Variants in WWC1 observed in about 807,000 individuals in gnomAD.
WWC1 encodes the protein WW and C2 domain containing 1, also known as protein KIBRA.
Under a neutral mutation model 138.4 loss-of-function variants are expected in WWC1, and 55 were observed. The observed-to-expected ratio is 0.40, with a 90% CI of 0.32 to 0.50. The LOEUF is 0.50. Among genes scored for constraint, WWC1 ranks in the 20% least tolerant of loss-of-function variants. The pLI is 0.72. For missense variants in WWC1, 1,226 were observed against 1,420.4 expected, an observed-to-expected ratio of 0.86 and a Z score of 2.20; for synonymous variants, 524 against 564.9, an observed-to-expected ratio of 0.93 and a Z score of 1.03.
intron 1 of WWC1, among the ~76,000 whole-genome samples, chr5:168,318,048 G>A (rs1036879165): frequency 1.2e-4 from 18 of 151,898 alleles, no homozygotes; most frequent in African/African-American, 4.4e-4. Flanking sequence ...TGCTCTCTTT[G>A]ATAAAGTATG....
In WWC1 at chr5:168,389,470, G is replaced by GA. The variant is rs796790845; in HGVS notation, c.433+4064dup. 9.2e-3 allele frequency among the ~76,000 whole-genome samples: 1,366 copies of GA among 148,094 alleles called. 23 individuals are homozygous for GA. The highest frequency in any genetic ancestry group is 0.033 in the African/African-American group (1,304 of 40,038). On this transcript the variant is annotated intron_variant, in intron 3 of 22. Transcript: ENST00000265293. ...CATCTCAAAAAAAAAAAAAAAGAAA[G>GA]AAAAAAAAGAAGCACTGTAGTGGGA...
chr5:168,353,079 C>T (rs745509888), intron 1 of WWC1, among the ~76,000 whole-genome samples: 2 of 152,138 alleles, frequency 1.3e-5, no homozygotes, highest in East Asian at 1.9e-4. Flanking sequence ...AATTCGAACC[C>T]GGACCTGCAT....
intron 2 of WWC1, among the ~76,000 whole-genome samples, 184 bp downstream of exon 2, chr5:168,371,717 A>G (rs1274481729): frequency 6.6e-6 from 1 of 152,156 alleles, no homozygotes; most frequent in Non-Finnish European, 1.5e-5. Flanking sequence ...TTGTGTAAAA[A>G]TAACAGTTTA....
intron 1 of WWC1, among the ~76,000 whole-genome samples, chr5:168,345,677 A>G (rs974404131): frequency 1.3e-5 from 2 of 152,218 alleles, no homozygotes; most frequent in Non-Finnish European, 1.5e-5. Flanking sequence ...CATGGACTAG[A>G]CACTAATGTT....
intron 1 of WWC1, among the ~76,000 whole-genome samples, chr5:168,301,925 A>T (rs1180362842): frequency 6.6e-6 from 1 of 152,088 alleles, no homozygotes; most frequent in Non-Finnish European, 1.5e-5. Flanking sequence ...CTGACATTAG[A>T]GCTCGCAAAC....
At chr5:168,442,464 TAAAA>T (rs202033566) in intron 16 of WWC1, among the ~76,000 whole-genome samples, 1 of 143,118 alleles carries the variant, frequency 7.0e-6, no homozygotes, top group Admixed American at 7.1e-5. Flanking sequence ...AAAATTTAAT[TAAAA>T]AAAAAAGTTT....
chr5:168,393,293 A>C (rs1355355085), intron 3 of WWC1, among the ~76,000 whole-genome samples: 1 of 152,196 alleles, frequency 6.6e-6, no homozygotes, highest in Non-Finnish European at 1.5e-5. Flanking sequence ...ACAGTGGATG[A>C]AAGTCAGCTC....
At chr5:168,365,913 C>G (rs574449670) in intron 1 of WWC1, among the ~76,000 whole-genome samples, 1 of 152,168 alleles carries the variant, frequency 6.6e-6, no homozygotes, top group Non-Finnish European at 1.5e-5. Flanking sequence ...TTCGGCAGCC[C>G]GAGTTGTGGA....
chr5:168,455,235 C>A, intron 18 of WWC1, 121 bp from the exon 19 acceptor site: 1 of 1,264,832 alleles, frequency 7.9e-7, no homozygotes, highest in South Asian at 1.6e-5. Flanking sequence ...CAAGGAAACC[C>A]TGGTTGTGTC....
intron 1 of WWC1, among the ~76,000 whole-genome samples, chr5:168,351,183 G>A (rs1197657161): frequency 6.6e-6 from 1 of 151,972 alleles, no homozygotes; most frequent in Non-Finnish European, 1.5e-5. Context: ...TAGCCCATGG[G>A]AAGGCAATGA....
At chr5:168,455,074 A>G (rs1756182824) in intron 18 of WWC1, among the ~76,000 whole-genome samples, 1 of 152,220 alleles carries the variant, frequency 6.6e-6, no homozygotes, top group Non-Finnish European at 1.5e-5. Flanking sequence ...ACTTTGAGAC[A>G]GCTCTACTGC....
intron 20 of WWC1, among the ~76,000 whole-genome samples, chr5:168,462,625 C>T (rs898644982): frequency 6.6e-6 from 1 of 152,202 alleles, no homozygotes; most frequent in Admixed American, 6.5e-5. Flanking sequence ...CTAAGGCAGG[C>T]CCTACAGGAG....
intron 1 of WWC1, among the ~76,000 whole-genome samples, chr5:168,334,213 G>A (rs926361944): frequency 2.6e-5 from 4 of 151,166 alleles, no homozygotes; most frequent in African/African-American, 4.8e-5. Flanking sequence ...GACAGAGCAA[G>A]ATCCTGTCTC....
chr5:168,357,303 TACACACACACAC>T (rs3083619), intron 1 of WWC1, among the ~76,000 whole-genome samples: 2 of 145,126 alleles, frequency 1.4e-5, no homozygotes, highest in Non-Finnish European at 3.1e-5. Flanking sequence ...CTTTCTCTCT[TACACACACACAC>T]ACACACACAC....
Position 168,454,007 on chromosome 5 carries a change from G to A in WWC1, c.2565G>A (p.Glu855=). The A allele has an allele frequency of 6.2e-7, 1 of 1,600,052 alleles. No individual in the cohort carries two copies. Among genetic ancestry groups the A allele is most frequent in the Non-Finnish European group, 8.5e-7 (1 of 1,178,554 alleles). Residue 855 remains glutamate (E), a synonymous_variant, in exon 18 of 23, where the codon GAG becomes GAA. Transcript: ENST00000265293. ...EETSENEAVA[E]EEEEEVEEEE... is the part of the protein sequence containing the mutation. ...CCAGTGAGAATGAGGCAGTAGCCGAGGAAGAGGAGGAGGAGGTGGAGGAGG... is the reference window on the plus strand; with the variant it reads ...CCAGTGAGAATGAGGCAGTAGCCGAAGAAGAGGAGGAGGAGGTGGAGGAGG...
intron 1 of WWC1, among the ~76,000 whole-genome samples, chr5:168,301,827 A>C (rs892452000): frequency 6.6e-6 from 1 of 152,086 alleles, no homozygotes; most frequent in South Asian, 2.1e-4. Context: ...CCTCCTGTGC[A>C]TTGGTAACGG....
At chr5:168,428,287 T>C in intron 12 of WWC1, 146 bp downstream of exon 12, 2 of 749,400 alleles carry the variant, frequency 2.7e-6, no homozygotes, top group Non-Finnish European at 4.3e-6. Context: ...ACCTTCCTCT[T>C]GGCTGCCCAA....
intron 9 of WWC1, among the ~76,000 whole-genome samples, chr5:168,417,949 A>G (rs1167696725): frequency 6.6e-6 from 1 of 152,240 alleles, no homozygotes; most frequent in African/African-American, 2.4e-5. Context: ...TTCCAGCTCC[A>G]TGTCAGTCTG....
At chr5:168,435,367 A>G (rs990317329) in intron 15 of WWC1, among the ~76,000 whole-genome samples, 3 of 152,054 alleles carry the variant, frequency 2.0e-5, no homozygotes, top group Non-Finnish European at 4.4e-5. Context: ...GATCCAGCCT[A>G]TCAGTATATC....
Sources: allele counts gnomAD v4.1 joint callset (sites outside exome capture counted in the v4.1 genomes callset), GRCh38; gene constraint gnomAD v4.1.1; transcripts MANE v1.5; gene names NCBI Gene and HGNC (gene_info 2026-07-23, HGNC 2026-07-21).